Variants in ADCY2 observed in about 807,000 individuals in gnomAD.
The protein encoded by ADCY2 is adenylate cyclase 2.
In ADCY2, 31 loss-of-function variants were observed where a neutral mutation model predicts 125.2. The ratio of observed to expected loss-of-function variants is 0.25; its 90% CI spans 0.19 to 0.33. The LOEUF (loss-of-function observed/expected upper bound fraction) is 0.33. Among genes scored for constraint, ADCY2 ranks in the 10% least tolerant of loss-of-function variants. ADCY2 has a pLI of 1.00. For synonymous variants in ADCY2, 512 were observed against 548.4 expected (o/e 0.93, Z 0.93); for missense variants, 904 against 1,418.2 (o/e 0.64, Z 5.82).
chr5:7,440,832 G>T (rs1299555994), intron 2 of ADCY2, among the ~76,000 whole-genome samples: 1 of 152,146 alleles, frequency 6.6e-6, no homozygotes, highest in East Asian at 1.9e-4. Context: ...GAGCAGTGTG[G>T]CCCAAGAGTT....
At chr5:7,654,876 C>T (rs912336507) in intron 4 of ADCY2, among the ~76,000 whole-genome samples, 22 of 152,130 alleles carry the variant, frequency 1.4e-4, no homozygotes. Context: ...GATCTTGGGA[C>T]CTGGAAATCC....
chr5:7,636,830 A>G (rs538142965), intron 4 of ADCY2, among the ~76,000 whole-genome samples: 1 of 152,248 alleles, frequency 6.6e-6, no homozygotes, highest in African/African-American at 2.4e-5. Context: ...TGGCCTGGAC[A>G]ATAAGTTTAA....
At chr5:7,786,328 G>A (rs541708556) in intron 19 of ADCY2, among the ~76,000 whole-genome samples, 16 of 152,154 alleles carry the variant, frequency 1.1e-4, no homozygotes, top group Non-Finnish European at 1.9e-4. Context: ...AGGAGGGGAG[G>A]TATATCACAA....
intron 4 of ADCY2, among the ~76,000 whole-genome samples, chr5:7,670,497 A>C (rs183231300): frequency 1.3e-5 from 2 of 152,348 alleles, no homozygotes; most frequent in East Asian, 3.9e-4. Context: ...GCTATTATTT[A>C]ACCTTATAAC....
intron 1 of ADCY2, among the ~76,000 whole-genome samples, chr5:7,404,266 T>C (rs1465369969): frequency 1.3e-5 from 2 of 152,190 alleles, no homozygotes; most frequent in African/African-American, 4.8e-5. Flanking sequence ...TCACCAGATG[T>C]CTTTTTAGCT....
At chr5:7,721,329 T>C (rs1741750325) in intron 12 of ADCY2, among the ~76,000 whole-genome samples, 1 of 152,262 alleles carries the variant, frequency 6.6e-6, no homozygotes, top group African/African-American at 2.4e-5. Context: ...TATAAAAATT[T>C]TCTCCCATTC....
intron 14 of ADCY2, among the ~76,000 whole-genome samples, chr5:7,734,786 C>T (rs1254789494): frequency 6.6e-6 from 1 of 152,152 alleles, no homozygotes; most frequent in Non-Finnish European, 1.5e-5. Context: ...AACAAAGGAC[C>T]ATAGACTGTG....
At chr5:7,707,496 G>A (rs1248400477) in intron 8 of ADCY2, among the ~76,000 whole-genome samples, 2 of 152,138 alleles carry the variant, frequency 1.3e-5, no homozygotes, top group African/African-American at 4.8e-5. Context: ...TGCAGGTTTC[G>A]GTGAGTGCAG....
chr5:7,550,958 T>G (rs182558473), intron 3 of ADCY2, among the ~76,000 whole-genome samples: 363 of 152,274 alleles, frequency 2.4e-3, no homozygotes, highest in Non-Finnish European at 3.8e-3. Context: ...GAGAGTCACT[T>G]GATTTAAGAA....
At chr5:7,487,504 C>T (rs564185707) in intron 2 of ADCY2, among the ~76,000 whole-genome samples, 17 of 152,274 alleles carry the variant, frequency 1.1e-4, no homozygotes, top group African/African-American at 3.6e-4. Flanking sequence ...AAGGCAGAAG[C>T]GATCTCTCCT....
chr5:7,644,995 A>T (rs16900542), intron 4 of ADCY2, among the ~76,000 whole-genome samples: 8,566 of 152,218 alleles, frequency 0.056, 796 homozygotes, highest in African/African-American at 0.19. Flanking sequence ...TGAGAGGGAC[A>T]ATTCTGTCCT....
chr5:7,548,332 A>T (rs1476850230), intron 3 of ADCY2, among the ~76,000 whole-genome samples: 3 of 151,916 alleles, frequency 2.0e-5, no homozygotes, highest in African/African-American at 7.2e-5. Flanking sequence ...TAGTATAGAT[A>T]ATATATAAAT....
chr5:7,584,106 A>T (rs182521527), intron 3 of ADCY2, among the ~76,000 whole-genome samples: 133 of 152,246 alleles, frequency 8.7e-4, no homozygotes, highest in African/African-American at 2.8e-3. Flanking sequence ...GTAATGTTCC[A>T]CATCTTTATA....
chr5:7,589,490 G>GAAAGAAAGAAAC (rs1680857788), intron 3 of ADCY2, among the ~76,000 whole-genome samples: 2 of 58,474 alleles, frequency 3.4e-5, no homozygotes, highest in African/African-American at 8.0e-5. Flanking sequence ...AAGAAAGAAA[G>GAAAGAAAGAAAC]AAAGAAAGAA....
intron 14 of ADCY2, among the ~76,000 whole-genome samples, chr5:7,731,080 C>T (rs1163038124): frequency 6.6e-6 from 1 of 152,044 alleles, no homozygotes; most frequent in Non-Finnish European, 1.5e-5. Context: ...CCAGTTTCCA[C>T]TTTTTATTTC....
chr5:7,563,010 C>T (rs1408499823), intron 3 of ADCY2, among the ~76,000 whole-genome samples: 2 of 152,086 alleles, frequency 1.3e-5, no homozygotes, highest in African/African-American at 4.8e-5. Context: ...CTATCCTGCT[C>T]ATTGTTTTAA....
At chr5:7,682,463 T>C (rs1404482475) in intron 4 of ADCY2, among the ~76,000 whole-genome samples, 3 of 152,350 alleles carry the variant, frequency 2.0e-5, no homozygotes, top group Admixed American at 1.3e-4. Context: ...GCTTCTCTTA[T>C]ACTCATGATG....
rs139514545 is a variant in ADCY2, at chr5:7,533,469, T to G, written c.570+12570T>G. Among the ~76,000 whole-genome samples, 490 of 152,206 alleles carry G rather than the reference T, an allele frequency of 3.2e-3. 2 individuals are homozygous for G. Among genetic ancestry groups the G allele is most frequent in the African/African-American group, 0.011 (453 of 41,572 alleles). The stretch of plus-strand genomic sequence containing the variant: ...TTTATTATTTTTATTGTTTTACCAT[T>G]TTTATCTTGATTTTTTAATTAATGT... On this transcript the variant is annotated intron_variant, in intron 3 of 24. Coordinates refer to ENST00000338316, the MANE Select transcript of ADCY2 (RefSeq NM_020546.3).
chr5:7,529,244 A>AAATGAGAG (rs112132341), intron 3 of ADCY2, among the ~76,000 whole-genome samples: 1 of 148,520 alleles, frequency 6.7e-6, no homozygotes, highest in Non-Finnish European at 1.5e-5. Flanking sequence ...AGGAATGAGG[A>AAATGAGAG]CTTAATGAAA....
Sources: gnomAD v4.1 joint callset for allele counts (sites outside exome capture counted in the v4.1 genomes callset) on GRCh38, gnomAD v4.1.1 for gene constraint, MANE v1.5 for transcripts, NCBI Gene and HGNC (gene_info 2026-07-23, HGNC 2026-07-21) for gene names.